VSTM2L: variants seen among roughly 807,000 people sequenced by gnomAD.
The protein encoded by VSTM2L is V-set and transmembrane domain containing 2 like.
A neutral mutation model predicts 19.9 loss-of-function variants in VSTM2L; 9 were observed. The ratio of observed to expected loss-of-function variants is 0.45; its 90% CI spans 0.27 to 0.79. The LOEUF is 0.79. Ranked by LOEUF, VSTM2L falls within the 30% of genes least tolerant of loss-of-function variation. VSTM2L has a pLI of 0.15. For missense variants in VSTM2L, 286 were observed against 295.5 expected (o/e 0.97, Z 0.24); for synonymous variants, 127 against 133.8 (o/e 0.95, Z 0.35).
At position 37,943,997 on chromosome 20, in the gene VSTM2L, G is replaced by A; in HGVS notation, c.359G>A (p.Gly120Asp). The change falls in exon 4 of 4, where the codon GGC (glycine) becomes GAC (aspartate). Residue 120 changes from glycine to aspartate, a missense_variant. Transcript: ENST00000373461. The part of the protein sequence containing the change: ...ATKISVVKVV[G>D]SNISHKLRLS... ...CACCCCCAGGTGGTCAAGGTGGTGG[G>A]CAGCAACATCTCCCACAAGCTGCGC... is the stretch of plus-strand genomic sequence containing the variant. 3 of 1,582,298 alleles carry A rather than the reference G, an allele frequency of 1.9e-6. No individual in the cohort carries two copies. Among genetic ancestry groups the A allele is most frequent in the Non-Finnish European group, 2.6e-6 (3 of 1,157,668 alleles).
At chr20:37,914,928 G>A (rs1356978062) in intron 1 of VSTM2L, among the ~76,000 whole-genome samples, 2 of 152,196 alleles carry the variant, frequency 1.3e-5, no homozygotes, top group Admixed American at 1.3e-4. Context: ...GGCCCGAGGT[G>A]GGGAAGGCGG....
intron 1 of VSTM2L, among the ~76,000 whole-genome samples, chr20:37,910,112 C>A (rs989128857): frequency 6.6e-6 from 1 of 152,226 alleles, no homozygotes; most frequent in South Asian, 2.1e-4. Context: ...TGATTTTAGG[C>A]AGAACCTAGA....
Position 37,933,461 on chromosome 20 carries a change from T to C in VSTM2L, c.292-78T>C. ...GTTGTCCGTATCCCTATAATGTGTC[T>C]CCCCACACTGCCACCCCACCCCCAC... On this transcript the variant is annotated intron_variant, in intron 2 of 3. Coordinates refer to ENST00000373461, the MANE Select transcript of VSTM2L (RefSeq NM_080607.3). 5.9e-6 allele frequency: 7 copies of C among 1,188,756 alleles called. No individual in the cohort carries two copies. The South Asian group carries it at 9.1e-5, about 16-fold the overall frequency. 73.6% of individuals were successfully genotyped at this position (1,188,756 alleles called of 1,614,324 possible).
At chr20:37,919,823 A>C (rs2072840597) in intron 1 of VSTM2L, among the ~76,000 whole-genome samples, 1 of 150,146 alleles carries the variant, frequency 6.7e-6, no homozygotes, top group Admixed American at 6.6e-5. Flanking sequence ...GCTGAACTCT[A>C]ACTTGTCCCT....
intron 1 of VSTM2L, among the ~76,000 whole-genome samples, chr20:37,922,041 A>G (rs1409470206): frequency 3.4e-5 from 5 of 148,986 alleles, no homozygotes; most frequent in African/African-American, 5.1e-5. Context: ...GGTAAAATAT[A>G]CATAACAGAA....
At chr20:37,923,929 C>T (rs6021895) in intron 1 of VSTM2L, among the ~76,000 whole-genome samples, 2,492 of 152,222 alleles carry the variant, frequency 0.016, 66 homozygotes, top group African/African-American at 0.056. Flanking sequence ...GGTGGGAACA[C>T]GAGAAAATGT....
At chr20:37,933,663 C>A in intron 3 of VSTM2L, 74 bp downstream of exon 3, 3 of 1,471,472 alleles carry the variant, frequency 2.0e-6, no homozygotes, top group Non-Finnish European at 2.8e-6. Flanking sequence ...AAATTGGGGT[C>A]CAGTTCAGCA....
In VSTM2L at chr20:37,903,590, G is replaced by A. The variant is rs1447181338; in HGVS notation, c.121+119G>A. The A allele has an allele frequency of 8.5e-6, 11 of 1,295,968 alleles. No individual in the cohort carries two copies. In the South Asian group the frequency reaches 1.5e-4, roughly 17 times the overall value. The allele number at this position is 1,295,968 out of a possible 1,614,324, so 80.3% of individuals were successfully genotyped here. A position where few individuals can be genotyped will look rare whatever the true frequency, so the allele number is the denominator to read the frequency against. ...CCAGTCGTGGCGGGCATCCCGGGGC[G>A]CCCCCTGCCGGCGCGGTGGACCCGC... On this transcript the variant is annotated intron_variant, in intron 1 of 3. Coordinates refer to ENST00000373461, the MANE Select transcript of VSTM2L (RefSeq NM_080607.3).
rs761967908 is a variant in VSTM2L, at chr20:37,944,273, C to T, written c.*20C>T. On this transcript the variant is annotated 3_prime_UTR_variant, in exon 4 of 4. Transcript: ENST00000373461. ...CTCTAGACTGATGCCCCTGCCCCCGCCCATCCGCCCCCACGCTGTACAGAG... is the reference window on the plus strand; with the variant it reads ...CTCTAGACTGATGCCCCTGCCCCCGTCCATCCGCCCCCACGCTGTACAGAG... 972 of 1,468,858 alleles carry T rather than the reference C, an allele frequency of 6.6e-4. No homozygotes were observed. The highest frequency in any genetic ancestry group is 7.1e-4 in the Non-Finnish European group (784 of 1,102,884). 91.0% of individuals were successfully genotyped at this position (1,468,858 alleles called of 1,614,324 possible).
chr20:37,936,936 A>G (rs79574825), intron 3 of VSTM2L, among the ~76,000 whole-genome samples: 1,712 of 151,460 alleles, frequency 0.011, 31 homozygotes, highest in African/African-American at 0.04. Flanking sequence ...AAAAAAAAAA[A>G]TCAGATGCTG....
At chr20:37,924,554 CA>C (rs368447073) in intron 1 of VSTM2L, among the ~76,000 whole-genome samples, 7,483 of 90,018 alleles carry the variant, frequency 0.083, 193 homozygotes, top group Admixed American at 0.19. Flanking sequence ...GACTCTGTCT[CA>C]AAAAAAAAAA....
At chr20:37,904,354 A>T (rs2072739534) in intron 1 of VSTM2L, among the ~76,000 whole-genome samples, 1 of 152,136 alleles carries the variant, frequency 6.6e-6, no homozygotes. Flanking sequence ...GCCCTAGAGG[A>T]CTGAAATGTG....
intron 3 of VSTM2L, among the ~76,000 whole-genome samples, chr20:37,934,215 G>T (rs2072926880): frequency 6.6e-6 from 1 of 152,222 alleles, no homozygotes; most frequent in Non-Finnish European, 1.5e-5. Context: ...TCACCAGGCT[G>T]TGCTGCAGGC....
intron 1 of VSTM2L, among the ~76,000 whole-genome samples, chr20:37,921,098 T>A (rs1242704250): frequency 6.6e-6 from 1 of 152,084 alleles, no homozygotes; most frequent in Non-Finnish European, 1.5e-5. Flanking sequence ...TATAACACAC[T>A]CAGCATCTGT....
chr20:37,943,313 C>T (rs1353934058), intron 3 of VSTM2L, among the ~76,000 whole-genome samples: 2 of 152,088 alleles, frequency 1.3e-5, no homozygotes, highest in Non-Finnish European at 2.9e-5. Flanking sequence ...CTCACTCTGT[C>T]ACCTAGGCTG....
intron 2 of VSTM2L, 133 bp downstream of exon 2, chr20:37,931,937 C>T: frequency 9.2e-7 from 1 of 1,090,570 alleles, no homozygotes; most frequent in Non-Finnish European, 1.3e-6. Context: ...ACAGCTGTCT[C>T]CCTCCCTTCT....
chr20:37,915,969 C>T (rs183280362), intron 1 of VSTM2L, among the ~76,000 whole-genome samples: 20 of 152,334 alleles, frequency 1.3e-4, no homozygotes, highest in Non-Finnish European at 2.2e-4. Flanking sequence ...CCCTTACAGC[C>T]CTCACTGTTC....
At chr20:37,911,892 A>ATG (rs146769537) in intron 1 of VSTM2L, among the ~76,000 whole-genome samples, 38,873 of 151,002 alleles carry the variant, frequency 0.26, 5,271 homozygotes, top group East Asian at 0.44. Flanking sequence ...ATGTGCGTGT[A>ATG]TGTGTGTGTG....
intron 1 of VSTM2L, among the ~76,000 whole-genome samples, chr20:37,912,842 GTC>G (rs1323976061): frequency 2.0e-5 from 3 of 152,082 alleles, no homozygotes; most frequent in Non-Finnish European, 4.4e-5. Flanking sequence ...TGCTCTCTGG[GTC>G]TCTCTCTTTC....
Sources: gnomAD v4.1 joint callset for allele counts (sites outside exome capture counted in the v4.1 genomes callset) on GRCh38, gnomAD v4.1.1 for gene constraint, MANE v1.5 for transcripts, NCBI Gene and HGNC (gene_info 2026-07-23, HGNC 2026-07-21) for gene names.